Variants in FMO1 observed in about 807,000 individuals in gnomAD.
FMO1 encodes the protein flavin-containing monooxygenase 1.
A neutral mutation model predicts 45.4 loss-of-function variants in FMO1; 36 were observed. The observed-to-expected ratio is 0.79, with a 90% CI of 0.61 to 1.05. The LOEUF is 1.05. Among genes scored for constraint, FMO1 ranks in the 50% least tolerant of loss-of-function variants. The pLI is 0.00. For synonymous variants in FMO1, 228 were observed against 227.2 expected (o/e 1.00, Z -0.03); for missense variants, 615 against 640.3 (o/e 0.96, Z 0.43).
chr1:171,266,446 G>C (rs531496865), intron 2 of FMO1, among the ~76,000 whole-genome samples: 1 of 152,094 alleles, frequency 6.6e-6, no homozygotes, highest in Non-Finnish European at 1.5e-5. Context: ...GTCATCTTTC[G>C]CAAGCATTTT....
chr1:171,283,219 A>G lies in FMO1; in HGVS notation c.1256+3A>G. 1 of 1,189,190 alleles carries G rather than the reference A, an allele frequency of 8.4e-7. No individual in the cohort carries two copies. Among genetic ancestry groups the G allele is most frequent in the Non-Finnish European group, 1.2e-6 (1 of 857,952 alleles). The allele number at this position is 1,189,190 out of a possible 1,614,324, so 73.7% of individuals were successfully genotyped here. ...AGGAAAGAAAACAAGCCCAGTTGGT[A>G]AGTTAACTACTTAATGCACCCTTTT... On this transcript the variant is annotated splice_donor_region_variant and intron_variant, in intron 8 of 8. Coordinates refer to ENST00000617670, the MANE Select transcript of FMO1 (RefSeq NM_001282693.2).
At position 171,267,252 on chromosome 1, in the gene FMO1, C is replaced by T. The variant is rs28360380; in HGVS notation, c.133-291C>T. Reference sequence around the variant, plus strand: ...ATATGAATCACTTCTATATTTAGAACGTTCAGTAGATTGGCATAACCTTCC... The same window carrying T: ...ATATGAATCACTTCTATATTTAGAATGTTCAGTAGATTGGCATAACCTTCC... On this transcript the variant is annotated intron_variant, in intron 2 of 8. Transcript: ENST00000617670. Among the ~76,000 whole-genome samples, 800 of 152,242 alleles carry T rather than the reference C, an allele frequency of 5.3e-3. 1 individual carries two copies. Among genetic ancestry groups the T allele is most frequent in the Non-Finnish European group, 8.3e-3 (563 of 68,018 alleles).
chr1:171,267,266 G>T (rs577894529), intron 2 of FMO1, among the ~76,000 whole-genome samples: 4 of 152,140 alleles, frequency 2.6e-5, no homozygotes, highest in African/African-American at 4.8e-5. Flanking sequence ...CAGTAGATTG[G>T]CATAACCTTC....
At chr1:171,270,358 G>A (rs778125249) in intron 3 of FMO1, 1 of 154,700 alleles carries the variant, frequency 6.5e-6, no homozygotes, top group Admixed American at 6.5e-5. Context: ...TGCAGGGTGT[G>A]TAGACAAAAG....
chr1:171,248,961 G>A (rs1278459079), intron 1 of FMO1, among the ~76,000 whole-genome samples: 1 of 122,656 alleles, frequency 8.2e-6, no homozygotes, highest in Non-Finnish European at 1.7e-5. Flanking sequence ...AATGCAAGAG[G>A]AAAAGTCTCT....
chr1:171,281,651 G>A (rs977989464), intron 6 of FMO1, among the ~76,000 whole-genome samples: 3 of 152,132 alleles, frequency 2.0e-5, no homozygotes, highest in African/African-American at 4.8e-5. Context: ...AGAAGTCCCT[G>A]GTTTCCCTTG....
chr1:171,267,824 T>C (rs968766576), intron 3 of FMO1, 93 bp downstream of exon 3: 4 of 899,186 alleles, frequency 4.4e-6, no homozygotes, highest in Admixed American at 2.5e-5. Context: ...GTAGATGAGA[T>C]ACTAAACTGG....
intron 8 of FMO1, among the ~76,000 whole-genome samples, chr1:171,283,421 G>A (rs1325052583): frequency 1.3e-5 from 2 of 151,916 alleles, no homozygotes; most frequent in Admixed American, 1.3e-4. Context: ...GAAGGGAAAG[G>A]GGAATTTAGA....
intron 1 of FMO1, among the ~76,000 whole-genome samples, chr1:171,255,488 G>T (rs1410484658): frequency 1.3e-5 from 2 of 152,174 alleles, no homozygotes; most frequent in African/African-American, 4.8e-5. Flanking sequence ...ACTTGGAGTA[G>T]GTAGTTCCTT....
chr1:171,264,384 T>G (rs145443791), intron 2 of FMO1, among the ~76,000 whole-genome samples: 1,566 of 149,700 alleles, frequency 0.01, 27 homozygotes, highest in African/African-American at 0.032. Flanking sequence ...TATTTATATA[T>G]AGAGAGAAAA....
rs750236206 is a variant in FMO1 at position 171,285,349 on chromosome 1, C to T, written c.1404C>T (p.Cys468=). Residue 468 remains cysteine (C), a synonymous_variant, in exon 9 of 9, where the codon TGC becomes TGT. Transcript: ENST00000617670. The part of the protein sequence containing the change: ...HLALTVFFGP[C]SPYQFRLTGP... ...CTCTGACCGTCTTCTTTGGCCCATG[C>T]TCACCATACCAGTTCCGCTTGACTG... The T allele has an allele frequency of 2.5e-6, 4 of 1,614,018 alleles. No homozygotes were observed. The highest frequency in any genetic ancestry group is 3.3e-5 in the Admixed American group (2 of 59,988).
Position 171,258,173 on chromosome 1 carries a change from C to T in FMO1, c.86C>T (p.Thr29Ile), listed in dbSNP as rs558188818. 7.4e-6 allele frequency: 12 copies of T among 1,614,162 alleles called. No homozygotes were observed. Among genetic ancestry groups the T allele is most frequent in the South Asian group, 1.1e-5 (1 of 91,082 alleles). ...TGTCTGGAAGAAGGACTGGAGCCCA[C>T]CTGCTTTGAGAGGAGCGATGACCTT... ...KCCLEEGLEP[T>I]CFERSDDLGG... is the part of the protein sequence containing the mutation. The change falls in exon 2 of 9, where the codon ACC becomes ATC. Residue 29 changes from threonine to isoleucine, a missense_variant. By Grantham distance (89) the Thr-to-Ile change is moderately conservative. Coordinates refer to ENST00000617670, the MANE Select transcript of FMO1 (RefSeq NM_001282693.2).
Position 171,285,340 on chromosome 1 carries a change from T to C in FMO1, c.1395T>C (p.Phe465=). 6.2e-7 allele frequency: 1 copy of C among 1,614,084 alleles called. No homozygotes were observed. The highest frequency in any genetic ancestry group is 1.1e-5 in the South Asian group (1 of 91,080). The stretch of plus-strand genomic sequence containing the variant: ...CACATCTGGCTCTGACCGTCTTCTT[T>C]GGCCCATGCTCACCATACCAGTTCC... The part of the protein sequence containing the change: ...TDPHLALTVF[F]GPCSPYQFRL... Residue 465 remains phenylalanine (F), a synonymous_variant, in exon 9 of 9, where the codon TTT becomes TTC. Transcript: ENST00000617670.
intron 2 of FMO1, among the ~76,000 whole-genome samples, chr1:171,259,988 A>G (rs1660310692): frequency 6.6e-6 from 1 of 152,252 alleles, no homozygotes; most frequent in South Asian, 2.1e-4. Flanking sequence ...AGCCACATTT[A>G]GGAAGCCAGA....
At chr1:171,269,139 G>C (rs1226676174) in intron 3 of FMO1, among the ~76,000 whole-genome samples, 3 of 152,190 alleles carry the variant, frequency 2.0e-5, no homozygotes, top group African/African-American at 4.8e-5. Flanking sequence ...TCTCTGGTAT[G>C]TCTTTATCAG....
chr1:171,269,733 A>G (rs1660770599), intron 3 of FMO1, among the ~76,000 whole-genome samples: 1 of 152,222 alleles, frequency 6.6e-6, no homozygotes, highest in Non-Finnish European at 1.5e-5. Flanking sequence ...TTTGTTTTGT[A>G]AAGAAAAATC....
intron 3 of FMO1, among the ~76,000 whole-genome samples, chr1:171,269,500 T>C (rs552728500): frequency 1.8e-4 from 27 of 152,290 alleles, no homozygotes; most frequent in Middle Eastern, 6.8e-3. Flanking sequence ...ATCCGGGACT[T>C]AGATGTTCAG....
intron 3 of FMO1, chr1:171,271,118 C>A: frequency 1.1e-6 from 1 of 880,556 alleles, no homozygotes; most frequent in African/African-American, 1.6e-5. Flanking sequence ...GCAGCAATAT[C>A]CTTTTTGTAT....
At chr1:171,249,630 T>C (rs1029174996) in intron 1 of FMO1, among the ~76,000 whole-genome samples, 24 of 152,126 alleles carry the variant, frequency 1.6e-4, no homozygotes, top group African/African-American at 3.6e-4. Context: ...TAGGGTATCA[T>C]TGTGCAGTCT....
Sources: gnomAD v4.1 joint callset for allele counts (sites outside exome capture counted in the v4.1 genomes callset) on GRCh38, gnomAD v4.1.1 for gene constraint, MANE v1.5 for transcripts, NCBI Gene and HGNC (gene_info 2026-07-23, HGNC 2026-07-21) for gene names.